Variants in MIPEP observed in about 807,000 individuals in gnomAD.
The protein encoded by MIPEP is mitochondrial intermediate peptidase.
A neutral mutation model predicts 90.3 loss-of-function variants in MIPEP; 79 were observed. That is an observed-to-expected ratio of 0.87 (90% confidence interval 0.73 to 1.05). MIPEP has a LOEUF of 1.05. Among genes scored for constraint, MIPEP ranks in the 50% least tolerant of loss-of-function variants. The pLI is 0.00. For missense variants in MIPEP, 940 were observed against 905.6 expected (o/e 1.04, Z -0.49); for synonymous variants, 334 against 315.8 (o/e 1.06, Z -0.61).
chr13:23,811,142 G>A (rs1186454546), intron 14 of MIPEP, among the ~76,000 whole-genome samples: 2 of 152,150 alleles, frequency 1.3e-5, no homozygotes, highest in Non-Finnish European at 2.9e-5. Flanking sequence ...AACAGATTGT[G>A]TCAAAATGTT....
At chr13:23,835,960 A>G (rs1439554038) in intron 14 of MIPEP, among the ~76,000 whole-genome samples, 1 of 152,200 alleles carries the variant, frequency 6.6e-6, no homozygotes, top group African/African-American at 2.4e-5. Flanking sequence ...AAATGGGGAT[A>G]AAGTGTCTTC....
chr13:23,851,572 C>A (rs1193170124), intron 10 of MIPEP, among the ~76,000 whole-genome samples: 1 of 152,234 alleles, frequency 6.6e-6, no homozygotes, highest in African/African-American at 2.4e-5. Flanking sequence ...CACAGAGATC[C>A]CTTTCTAGCT....
At chr13:23,806,875 C>T (rs185511947) in intron 15 of MIPEP, among the ~76,000 whole-genome samples, 68 of 152,082 alleles carry the variant, frequency 4.5e-4, no homozygotes, top group Middle Eastern at 3.4e-3. Context: ...AGAAATGAAA[C>T]GGTCAGAATT....
intron 18 of MIPEP, among the ~76,000 whole-genome samples, chr13:23,746,129 C>T (rs1846448513): frequency 6.7e-6 from 1 of 150,192 alleles, no homozygotes; most frequent in African/African-American, 2.4e-5. Context: ...ATTCTCCTGC[C>T]TCAGCCTCCC....
At chr13:23,859,173 T>C (rs767043564) in intron 9 of MIPEP, among the ~76,000 whole-genome samples, 3 of 152,264 alleles carry the variant, frequency 2.0e-5, no homozygotes, top group Non-Finnish European at 4.4e-5. Context: ...CATTCTGAAG[T>C]GGTATCTAAC....
chr13:23,866,787 T>C (rs575603823), intron 7 of MIPEP, among the ~76,000 whole-genome samples: 1 of 152,254 alleles, frequency 6.6e-6, no homozygotes, highest in East Asian at 1.9e-4. Context: ...AGCTCAGAAC[T>C]CCACACTCCA....
In MIPEP at chr13:23,760,120, C is replaced by A. The variant is rs765320829; in HGVS notation, c.1946G>T (p.Cys649Phe). The stretch of plus-strand genomic sequence containing the variant: ...CCTGTTGAAAGGATCCTGTAGAAAA[C>A]ACTCCTTCCAAACCATGGAGGCGAC... ...RAVASMVWKECFLQDPFNRAA... is the reference protein window; with the variant it reads ...RAVASMVWKEFFLQDPFNRAA... Residue 649 changes from cysteine to phenylalanine, a missense_variant, in exon 17 of 19, where the codon TGT (cysteine) becomes TTT (phenylalanine). Physicochemically the swap from Cys to Phe is radical, Grantham distance 205 (BLOSUM62 -2). Coordinates refer to ENST00000382172, the MANE Select transcript of MIPEP (RefSeq NM_005932.4). The A allele has an allele frequency of 1.2e-6, 2 of 1,614,102 alleles. No individual in the cohort carries two copies. The highest frequency in any genetic ancestry group is 1.7e-6 in the Non-Finnish European group (2 of 1,180,006).
intron 7 of MIPEP, among the ~76,000 whole-genome samples, chr13:23,867,598 A>G (rs1870599608): frequency 6.6e-6 from 1 of 152,198 alleles, no homozygotes; most frequent in Middle Eastern, 3.2e-3. Flanking sequence ...CTGCATAAGG[A>G]TAGGAATTTT....
intron 18 of MIPEP, among the ~76,000 whole-genome samples, chr13:23,747,780 G>T (rs1029198787): frequency 6.6e-6 from 1 of 152,188 alleles, no homozygotes; most frequent in Non-Finnish European, 1.5e-5. Flanking sequence ...TCGCTCTGTT[G>T]CCCGCACTGG....
At chr13:23,794,021 T>A (rs1411905728) in intron 16 of MIPEP, among the ~76,000 whole-genome samples, 1 of 152,120 alleles carries the variant, frequency 6.6e-6, no homozygotes, top group African/African-American at 2.4e-5. Flanking sequence ...AAGACCTCAC[T>A]AATGTTGTGT....
chr13:23,786,085 G>C (rs539558822), intron 16 of MIPEP, among the ~76,000 whole-genome samples: 5 of 151,992 alleles, frequency 3.3e-5, no homozygotes, highest in Admixed American at 6.5e-5. Flanking sequence ...AAATTAACCA[G>C]GCATGGTGGC....
chr13:23,785,530 C>T (rs542991534), intron 16 of MIPEP, among the ~76,000 whole-genome samples: 2 of 149,726 alleles, frequency 1.3e-5, no homozygotes, highest in Admixed American at 6.7e-5. Flanking sequence ...ATGTAAATGA[C>T]GAGTTAATGG....
chr13:23,786,068 TA>T (rs889360273), intron 16 of MIPEP, among the ~76,000 whole-genome samples: 1 of 150,818 alleles, frequency 6.6e-6, no homozygotes, highest in Non-Finnish European at 1.5e-5. Context: ...AAAACAGTAA[TA>T]AAAAAAAATT....
chr13:23,835,192 T>C (rs910099149), intron 14 of MIPEP, among the ~76,000 whole-genome samples: 3 of 152,028 alleles, frequency 2.0e-5, no homozygotes, highest in African/African-American at 7.2e-5. Flanking sequence ...GGCTAACTTT[T>C]GTATTTTTAG....
intron 3 of MIPEP, among the ~76,000 whole-genome samples, chr13:23,880,355 G>GAGCC (rs1871226551): frequency 6.6e-6 from 1 of 152,106 alleles, no homozygotes; most frequent in Admixed American, 6.5e-5. Flanking sequence ...CTCACCCACG[G>GAGCC]AGCCACTCCA....
intron 15 of MIPEP, among the ~76,000 whole-genome samples, chr13:23,809,414 G>A (rs9551010): frequency 0.19 from 28,310 of 150,724 alleles, 3,099 homozygotes; most frequent in Non-Finnish European, 0.25. Flanking sequence ...GCAAGATCTC[G>A]GCTCACTTCA....
intron 16 of MIPEP, among the ~76,000 whole-genome samples, chr13:23,799,366 C>T (rs1406552313): frequency 2.0e-5 from 3 of 151,658 alleles, no homozygotes; most frequent in African/African-American, 7.3e-5. Context: ...CTCACTCTGT[C>T]GCCCAGGCTG....
chr13:23,774,320 T>C (rs1023140914), intron 16 of MIPEP, among the ~76,000 whole-genome samples: 1 of 152,204 alleles, frequency 6.6e-6, no homozygotes, highest in African/African-American at 2.4e-5. Flanking sequence ...AGCTCTGTAG[T>C]AACTGCTTCA....
intron 10 of MIPEP, among the ~76,000 whole-genome samples, chr13:23,853,479 G>A (rs905765059): frequency 6.6e-6 from 1 of 152,068 alleles, no homozygotes; most frequent in Non-Finnish European, 1.5e-5. Context: ...ATACCAGAGA[G>A]CATAGGCGTG....
Sources: gnomAD v4.1 joint callset for allele counts (sites outside exome capture counted in the v4.1 genomes callset) on GRCh38, gnomAD v4.1.1 for gene constraint, MANE v1.5 for transcripts, NCBI Gene and HGNC (gene_info 2026-07-23, HGNC 2026-07-21) for gene names.